The following FSTL5 variants were observed in gnomAD, a reference collection of about 807,000 sequenced individuals.
The protein encoded by FSTL5 is follistatin-related protein 5.
In FSTL5, 62 loss-of-function variants were observed where a neutral mutation model predicts 89.1. The observed-to-expected ratio is 0.70, with a 90% confidence interval of 0.57 to 0.86. FSTL5 has a LOEUF of 0.86. Among genes scored for constraint, FSTL5 ranks in the 40% least tolerant of loss-of-function variants. The pLI is 0.00. For synonymous variants in FSTL5, 383 were observed against 346.2 expected, an observed-to-expected ratio of 1.11 and a Z score of -1.18; for missense variants, 1,057 against 1,001.6, an observed-to-expected ratio of 1.06 and a Z score of -0.75.
chr4:162,049,295 T>A lies in FSTL5; in HGVS notation c.127-15637A>T, dbSNP rs1738304996. On this transcript the variant is annotated intron_variant, in intron 2 of 15. Transcript: ENST00000306100. ...GCTTTATCAATGGATGCTCTTTACA[T>A]CAGGAATGTAACATTTATGTTTGCA... Among the ~76,000 whole-genome samples the A allele has an allele frequency of 1.3e-5, 2 of 152,166 alleles. 1 individual carries two copies. The highest frequency in any genetic ancestry group is 4.8e-5 in the African/African-American group (2 of 41,450).
At chr4:161,823,981 T>C (rs1242863615) in intron 4 of FSTL5, among the ~76,000 whole-genome samples, 1 of 152,230 alleles carries the variant, frequency 6.6e-6, no homozygotes, top group Non-Finnish European at 1.5e-5. Context: ...ACTCTGCTAA[T>C]TGTTTCTTTT....
chr4:161,819,024 T>A (rs1200694101), intron 4 of FSTL5, among the ~76,000 whole-genome samples: 1 of 152,110 alleles, frequency 6.6e-6, no homozygotes, highest in Admixed American at 6.5e-5. Flanking sequence ...AGAAAATTCA[T>A]AAGCTGAAAT....
intron 8 of FSTL5, among the ~76,000 whole-genome samples, chr4:161,582,392 T>A (rs1415449533): frequency 6.6e-6 from 1 of 152,212 alleles, no homozygotes; most frequent in Non-Finnish European, 1.5e-5. Context: ...TGGTAGATAA[T>A]TTGCATTTTC....
chr4:161,658,473 A>C (rs140151699), intron 6 of FSTL5, among the ~76,000 whole-genome samples: 1 of 151,890 alleles, frequency 6.6e-6, no homozygotes, highest in Non-Finnish European at 1.5e-5. Context: ...AAAAAAAAAT[A>C]GGGAATATTT....
intron 2 of FSTL5, among the ~76,000 whole-genome samples, chr4:162,059,759 T>A (rs1473226182): frequency 6.6e-6 from 1 of 152,066 alleles, no homozygotes; most frequent in Non-Finnish European, 1.5e-5. Context: ...ATGAAGGAGA[T>A]AGGGCAGGAT....
intron 11 of FSTL5, among the ~76,000 whole-genome samples, chr4:161,505,711 T>C (rs959319567): frequency 6.6e-6 from 1 of 151,012 alleles, no homozygotes; most frequent in Non-Finnish European, 1.5e-5. Flanking sequence ...CACACATGCA[T>C]ATATATAATT....
chr4:161,544,505 A>C (rs1731943224), intron 8 of FSTL5, among the ~76,000 whole-genome samples: 2 of 151,988 alleles, frequency 1.3e-5, no homozygotes, highest in South Asian at 4.1e-4. Context: ...ATGACTGCTT[A>C]ATGGATATGA....
intron 8 of FSTL5, among the ~76,000 whole-genome samples, chr4:161,550,560 TA>T (rs1732168788): frequency 7.0e-4 from 13 of 18,582 alleles, no homozygotes; most frequent in Admixed American, 1.5e-3. Flanking sequence ...ACTTCTTTTT[TA>T]TTTATTTATT....
chr4:162,062,590 G>C (rs1031732131), intron 2 of FSTL5, among the ~76,000 whole-genome samples: 3 of 151,166 alleles, frequency 2.0e-5, no homozygotes, highest in Non-Finnish European at 4.4e-5. Context: ...TATCCATATA[G>C]AACATCTTCT....
chr4:161,638,076 T>C (rs1735792705), intron 7 of FSTL5, among the ~76,000 whole-genome samples: 3 of 151,330 alleles, frequency 2.0e-5, no homozygotes. Flanking sequence ...TTTCACGATA[T>C]TGATTCTTCC....
chr4:161,516,561 CAT>C (rs1730839243), intron 10 of FSTL5, among the ~76,000 whole-genome samples: 1 of 131,732 alleles, frequency 7.6e-6, no homozygotes, highest in Admixed American at 8.0e-5. Flanking sequence ...ATATATATTT[CAT>C]ATAGTAAATT....
chr4:161,514,011 CATG>C (rs1453439238), intron 10 of FSTL5, among the ~76,000 whole-genome samples: 1 of 152,078 alleles, frequency 6.6e-6, no homozygotes, highest in South Asian at 2.1e-4. Flanking sequence ...TAATTTAATA[CATG>C]ATATTAGTTT....
chr4:161,911,746 TTAA>T (rs1323496125), intron 4 of FSTL5, among the ~76,000 whole-genome samples: 5 of 152,206 alleles, frequency 3.3e-5, no homozygotes, highest in African/African-American at 1.2e-4. Flanking sequence ...CTGCATTAAA[TTAA>T]TTTTTTAAAA....
chr4:161,708,986 T>C (rs1309295524), intron 6 of FSTL5, among the ~76,000 whole-genome samples: 1 of 152,172 alleles, frequency 6.6e-6, no homozygotes, highest in Non-Finnish European at 1.5e-5. Context: ...TGTAATACCA[T>C]TTAAATTTAT....
chr4:161,931,390 A>G (rs1332405556), intron 3 of FSTL5, among the ~76,000 whole-genome samples: 1 of 151,916 alleles, frequency 6.6e-6, no homozygotes, highest in African/African-American at 2.4e-5. Context: ...GCAATATAGT[A>G]TAAGTTGGAA....
intron 1 of FSTL5, among the ~76,000 whole-genome samples, chr4:162,119,449 T>C (rs1217324125): frequency 6.6e-6 from 1 of 152,228 alleles, no homozygotes; most frequent in Non-Finnish European, 1.5e-5. Flanking sequence ...GTCCAGATTG[T>C]ATGTAAAAGG....
intron 8 of FSTL5, among the ~76,000 whole-genome samples, chr4:161,567,048 A>G (rs1732841481): frequency 6.6e-6 from 1 of 152,150 alleles, no homozygotes; most frequent in Admixed American, 6.6e-5. Context: ...AGTATGCTAA[A>G]TAACATAAAG....
At chr4:162,113,807 G>A (rs144555838) in intron 1 of FSTL5, among the ~76,000 whole-genome samples, 2 of 152,146 alleles carry the variant, frequency 1.3e-5, no homozygotes, top group African/African-American at 2.4e-5. Context: ...CCTTCCCTGA[G>A]TTACTTGTTT....
chr4:161,689,710 T>G (rs554509841), intron 6 of FSTL5, among the ~76,000 whole-genome samples: 2 of 152,262 alleles, frequency 1.3e-5, no homozygotes, highest in Non-Finnish European at 2.9e-5. Flanking sequence ...ATTCAGTATA[T>G]TCACAATGCT....
Sources: allele counts gnomAD v4.1 joint callset (sites outside exome capture counted in the v4.1 genomes callset), GRCh38; gene constraint gnomAD v4.1.1; transcripts MANE v1.5; gene names NCBI Gene and HGNC (gene_info 2026-07-23, HGNC 2026-07-21).